CCM2L: variants seen among roughly 807,000 people sequenced by gnomAD.
CCM2L encodes cerebral cavernous malformations 2 protein-like.
CCM2L carries 36 observed loss-of-function variants against 54.1 expected under a neutral mutation model. The ratio of observed to expected loss-of-function variants is 0.67; its 90% CI spans 0.51 to 0.88. The LOEUF is 0.88. CCM2L is among the 40% of genes least tolerant of loss of function. The probability of loss-of-function intolerance (pLI) is 0.00; values close to 1 mark genes in which losing one functional copy is unlikely to be tolerated. For missense variants in CCM2L, 700 were observed against 812.1 expected, an observed-to-expected ratio of 0.86 and a Z score of 1.68; for synonymous variants, 351 against 359.3, an observed-to-expected ratio of 0.98 and a Z score of 0.26.
intron 1 of CCM2L, 99 bp from the exon 2 acceptor site, chr20:32,014,804 TG>T: frequency 8.5e-7 from 1 of 1,179,016 alleles, no homozygotes; most frequent in East Asian, 2.8e-5. Context: ...TGCAGAGTTT[TG>T]GTGAGAATTA....
At position 32,018,173 on chromosome 20, in the gene CCM2L, AGGGGGCGGGGGCGG is replaced by A. The variant is rs1261553833; in HGVS notation, c.466+15_466+28del. 1 of 917,192 alleles carries A rather than the reference AGGGGGCGGGGGCGG, an allele frequency of 1.1e-6. No homozygotes were observed. The highest frequency in any genetic ancestry group is 2.5e-5 in the African/African-American group (1 of 39,842). The allele number at this position is 917,192 out of a possible 1,614,324, so 56.8% of individuals were successfully genotyped here. ...TAGTGCTCAAGACCGGTGCGGCGGG[AGGGGGCGGGGGCGG>A]GGGAGGGGCGGGGGCGGGGGCGGGG... On this transcript the variant is annotated intron_variant, in intron 4 of 9. Transcript: ENST00000452892.
rs2064757438 is a variant in CCM2L, at chr20:32,018,173, AG to A, written c.466+16del. 3.3e-6 allele frequency: 3 copies of A among 917,350 alleles called. No homozygotes were observed. The highest frequency in any genetic ancestry group is 2.5e-5 in the African/African-American group (1 of 39,880). 56.8% of individuals were successfully genotyped at this position (917,350 alleles called of 1,614,324 possible). A position where few individuals can be genotyped will look rare whatever the true frequency, so the allele number is the denominator to read the frequency against. ...TAGTGCTCAAGACCGGTGCGGCGGG[AG>A]GGGGCGGGGGCGGGGGAGGGGCGGG... On this transcript the variant is annotated intron_variant, in intron 4 of 9. Coordinates refer to ENST00000452892, the MANE Select transcript of CCM2L (RefSeq NM_001365692.1).
chr20:32,025,484 T>G (rs978685049), intron 6 of CCM2L, among the ~76,000 whole-genome samples: 1 of 152,150 alleles, frequency 6.6e-6, no homozygotes, highest in Non-Finnish European at 1.5e-5. Context: ...TCCAGGCTGG[T>G]CTTGAAGCCT....
rs1275020204 is a variant in CCM2L at position 32,031,138 on chromosome 20, G to C, written c.1540G>C (p.Ala514Pro). 7.7e-7 allele frequency: 1 copy of C among 1,303,904 alleles called. No homozygotes were observed. The highest frequency in any genetic ancestry group is 2.3e-5 in the Admixed American group (1 of 43,562). 80.8% of individuals were successfully genotyped at this position (1,303,904 alleles called of 1,614,324 possible). The change falls in exon 10 of 10, where the codon GCA becomes CCA. Residue 514 changes from alanine to proline, a missense_variant. Physicochemically the swap from Ala to Pro is conservative, Grantham distance 27. Transcript: ENST00000452892. ...KRSMSSTSAS[A>P]VRSYDGAAQR... ...CAGCATGAGCTCCACGTCGGCCTCC[G>C]CAGTGCGCAGCTACGATGGCGCGGC...
Position 32,031,072 on chromosome 20 carries a change from G to A in CCM2L, c.1474G>A (p.Glu492Lys), listed in dbSNP as rs573320466. The A allele has an allele frequency of 4.6e-6, 6 of 1,304,256 alleles. No individual in the cohort carries two copies. In the South Asian group the frequency reaches 7.4e-5, roughly 16 times the overall value. The allele number at this position is 1,304,256 out of a possible 1,614,324, so 80.8% of individuals were successfully genotyped here. A position where few individuals can be genotyped will look rare whatever the true frequency, so the allele number is the denominator to read the frequency against. ...EGFLEGVGIR[E>K]GGILTDSFGR... is the part of the protein sequence containing the mutation. ...CTTCCTGGAGGGCGTGGGCATCCGCGAGGGCGGCATCCTCACTGACAGCTT... is the reference window on the plus strand; with the variant it reads ...CTTCCTGGAGGGCGTGGGCATCCGCAAGGGCGGCATCCTCACTGACAGCTT... The change falls in exon 10 of 10, where the codon GAG becomes AAG. Residue 492 changes from glutamate (E) to lysine (K), a missense_variant. By Grantham distance (56) the Glu-to-Lys change is moderately conservative (BLOSUM62 1). Transcript: ENST00000452892.
At chr20:32,011,093 C>G (rs1299662920) in intron 1 of CCM2L, among the ~76,000 whole-genome samples, 1 of 152,136 alleles carries the variant, frequency 6.6e-6, no homozygotes, top group Non-Finnish European at 1.5e-5. Flanking sequence ...TAACTTCCAT[C>G]TTACCCCCAT....
rs955053673 is a variant in CCM2L, at chr20:32,018,907, G to A, written c.467-36G>A. On this transcript the variant is annotated intron_variant, in intron 4 of 9. Transcript: ENST00000452892. ...CGGGGCGGGGGGGTCTCTGAGTCCCGATCCCCGCGGCTGACGGTCCCCCGG... is the reference window on the plus strand; with the variant it reads ...CGGGGCGGGGGGGTCTCTGAGTCCCAATCCCCGCGGCTGACGGTCCCCCGG... 8 of 1,274,414 alleles carry A rather than the reference G, an allele frequency of 6.3e-6. No homozygotes were observed. The African/African-American group carries it at 1.1e-4, about 17-fold the overall frequency. The allele number at this position is 1,274,414 out of a possible 1,614,324, so 78.9% of individuals were successfully genotyped here.
chr20:32,025,453 A>G (rs1023183155), intron 6 of CCM2L, among the ~76,000 whole-genome samples: 1 of 151,924 alleles, frequency 6.6e-6, no homozygotes, highest in Non-Finnish European at 1.5e-5. Flanking sequence ...GTTATTGTAG[A>G]AATAAGGTCG....
intron 9 of CCM2L, among the ~76,000 whole-genome samples, 184 bp downstream of exon 9, chr20:32,030,022 C>G (rs1304996177): frequency 6.6e-6 from 1 of 152,090 alleles, no homozygotes; most frequent in African/African-American, 2.4e-5. Flanking sequence ...CTTGTCAGAG[C>G]TGGGAGACAC....
Position 32,015,075 on chromosome 20 carries a change from C to G in CCM2L, c.198+4C>G, listed in dbSNP as rs747769124. 1 of 1,494,872 alleles carries G rather than the reference C, an allele frequency of 6.7e-7. No individual in the cohort carries two copies. Among genetic ancestry groups the G allele is most frequent in the South Asian group, 1.4e-5 (1 of 73,952 alleles). The allele number at this position is 1,494,872 out of a possible 1,614,324, so 92.6% of individuals were successfully genotyped here. ...CTACCTGGAGAAAGAGGTCAAGGTG[C>G]GTGCAGGATGAGAAGGGGTGGGAAA... On this transcript the variant is annotated splice_donor_region_variant and intron_variant, in intron 2 of 9. Transcript: ENST00000452892.
chr20:32,018,887 CG>C (rs562260253), intron 4 of CCM2L, 55 bp from the exon 5 acceptor site: 54 of 1,246,010 alleles, frequency 4.3e-5, no homozygotes, highest in South Asian at 1.4e-4. Context: ...CTCGGCGGGG[CG>C]GGGGGGTCTC....
intron 7 of CCM2L, 170 bp from the exon 8 acceptor site, chr20:32,028,825 A>G: frequency 1.3e-6 from 1 of 790,866 alleles, no homozygotes; most frequent in Non-Finnish European, 2.0e-6. Flanking sequence ...CAAAGAGCAA[A>G]GGCAAAGGCA....
chr20:32,015,628 TTG>T (rs1368211140), intron 2 of CCM2L, among the ~76,000 whole-genome samples: 1 of 152,214 alleles, frequency 6.6e-6, no homozygotes, highest in Non-Finnish European at 1.5e-5. Flanking sequence ...GTGATGGCCT[TTG>T]TGCAAAGTTG....
rs937475086 is a variant in CCM2L at position 32,019,001 on chromosome 20, C to T, written c.525C>T (p.Arg175=). The change falls in exon 5 of 10, where the codon CGC becomes CGT. Residue 175 remains arginine, a synonymous_variant. Coordinates refer to ENST00000452892, the MANE Select transcript of CCM2L (RefSeq NM_001365692.1). ...GVDASPGGAG[R]DPGPPGGAPE... ...ATGCCAGCCCAGGCGGCGCAGGACG[C>T]GACCCCGGCCCGCCAGGCGGGGCGC... is the stretch of plus-strand genomic sequence containing the variant. 8 of 1,350,492 alleles carry T rather than the reference C, an allele frequency of 5.9e-6. No homozygotes were observed. The African/African-American group carries it at 9.2e-5, about 16-fold the overall frequency. The allele number at this position is 1,350,492 out of a possible 1,614,324, so 83.7% of individuals were successfully genotyped here.
At chr20:32,013,150 T>A (rs568557035) in intron 1 of CCM2L, among the ~76,000 whole-genome samples, 15 of 152,172 alleles carry the variant, frequency 9.9e-5, no homozygotes, top group African/African-American at 3.6e-4. Flanking sequence ...ATTTAAAAAA[T>A]TAGCAGGGCA....
chr20:32,023,556 G>A (rs775041345), intron 6 of CCM2L, among the ~76,000 whole-genome samples: 8 of 152,210 alleles, frequency 5.3e-5, no homozygotes, highest in East Asian at 1.9e-4. Context: ...GCCAAGCACC[G>A]TACCAATGTG....
intron 7 of CCM2L, 140 bp downstream of exon 7, chr20:32,026,059 C>T: frequency 3.8e-6 from 2 of 528,904 alleles, no homozygotes; most frequent in South Asian, 3.5e-5. Flanking sequence ...GTAAACTGAG[C>T]TCCCTGACTC....
chr20:32,014,508 C>T (rs1430237798), intron 1 of CCM2L, among the ~76,000 whole-genome samples: 1 of 152,132 alleles, frequency 6.6e-6, no homozygotes, highest in Non-Finnish European at 1.5e-5. Flanking sequence ...TCAAGTGATC[C>T]ACCCGCCTTG....
chr20:32,015,095 G>A lies in CCM2L; in HGVS notation c.198+24G>A, dbSNP rs377007427. On this transcript the variant is annotated intron_variant, in intron 2 of 9. Coordinates refer to ENST00000452892, the MANE Select transcript of CCM2L (RefSeq NM_001365692.1). ...AGGTGCGTGCAGGATGAGAAGGGGT[G>A]GGAAAACCTTGGGGTGAGGAGACCT... 8.9e-6 allele frequency: 13 copies of A among 1,463,424 alleles called. No individual in the cohort carries two copies. The African/African-American group carries it at 1.8e-4, about 20-fold the overall frequency. The allele number at this position is 1,463,424 out of a possible 1,614,324, so 90.7% of individuals were successfully genotyped here. A position where few individuals can be genotyped will look rare whatever the true frequency, so the allele number is the denominator to read the frequency against.
Sources: gnomAD v4.1 joint callset for allele counts (sites outside exome capture counted in the v4.1 genomes callset) on GRCh38, gnomAD v4.1.1 for gene constraint, MANE v1.5 for transcripts, NCBI Gene and HGNC (gene_info 2026-07-23, HGNC 2026-07-21) for gene names.